The following CFL1 variants were observed in gnomAD, a reference collection of about 807,000 sequenced individuals.
The protein encoded by CFL1 is cofilin 1, also known as cofilin-1.
CFL1 carries 2 observed loss-of-function variants against 16.3 expected under a neutral mutation model. That is an observed-to-expected ratio of 0.12 (90% CI 0.05 to 0.39). The LOEUF is 0.39. Ranked by LOEUF, CFL1 falls within the 10% of genes least tolerant of loss-of-function variation. CFL1 has a pLI of 0.99. For missense variants in CFL1, 75 were observed against 212.2 expected, an observed-to-expected ratio of 0.35 and a Z score of 4.02; for synonymous variants, 111 against 84.4, an observed-to-expected ratio of 1.31 and a Z score of -1.73.
intron 2 of CFL1, 83 bp from the exon 3 acceptor site, chr11:65,855,813 G>T: frequency 6.6e-7 from 1 of 1,504,132 alleles, no homozygotes; most frequent in South Asian, 1.3e-5. Flanking sequence ...TGGCAGTGAG[G>T]AGTCTTTTGT....
chr11:65,856,327 G>A (rs1038499448), intron 1 of CFL1, 85 bp from the exon 2 acceptor site: 9 of 1,376,590 alleles, frequency 6.5e-6, no homozygotes, highest in East Asian at 2.3e-5. Flanking sequence ...TCCACGTCCC[G>A]AGTGGTCACT....
Sources: allele counts gnomAD v4.1 joint callset, GRCh38; gene constraint gnomAD v4.1.1; transcripts MANE v1.5; gene names NCBI Gene and HGNC (gene_info 2026-07-23, HGNC 2026-07-21).